The following DOT1L variants were observed in gnomAD, a reference collection of about 807,000 sequenced individuals.
DOT1L encodes the protein DOT1 like histone lysine methyltransferase, also known as histone-lysine N-methyltransferase, H3 lysine-79 specific.
In DOT1L, 33 loss-of-function variants were observed where a neutral mutation model predicts 153.3. That is an observed-to-expected ratio of 0.22 (90% confidence interval 0.16 to 0.29). The LOEUF is 0.29. Ranked by LOEUF, DOT1L falls within the 10% of genes least tolerant of loss-of-function variation. DOT1L has a pLI of 1.00. For missense variants in DOT1L, 1,847 were observed against 2,119.9 expected (o/e 0.87, Z 2.53); for synonymous variants, 1,135 against 965.1 (o/e 1.18, Z -3.26).
chr19:2,194,451 G>A (rs530565044), intron 6 of DOT1L, 64 bp from the exon 7 acceptor site: 6 of 1,598,058 alleles, frequency 3.8e-6, no homozygotes, highest in East Asian at 4.5e-5. Context: ...GATTACAGGC[G>A]TGAGCCACCG....
At chr19:2,182,589 C>A (rs892940394) in intron 2 of DOT1L, among the ~76,000 whole-genome samples, 2 of 152,054 alleles carry the variant, frequency 1.3e-5, no homozygotes, top group African/African-American at 2.4e-5. Context: ...TGTGACTGTG[C>A]AGGTTCTGCC....
At chr19:2,216,890 G>A (rs766613557) in intron 20 of DOT1L, 65 bp from the exon 21 acceptor site, 28 of 1,567,886 alleles carry the variant, frequency 1.8e-5, no homozygotes, top group Non-Finnish European at 2.4e-5. Context: ...GAGGTGCTGG[G>A]CCAGGCCGCT....
rs570583366 is a variant in DOT1L, at chr19:2,209,898, C to G, written c.1006-502C>G. Among the ~76,000 whole-genome samples, 5 of 152,340 alleles carry G rather than the reference C, an allele frequency of 3.3e-5. No homozygotes were observed. In the South Asian group the frequency reaches 1.0e-3, roughly 32 times the overall value. On this transcript the variant is annotated intron_variant, in intron 12 of 27. Coordinates refer to ENST00000398665, the MANE Select transcript of DOT1L (RefSeq NM_032482.3). The stretch of plus-strand genomic sequence containing the variant: ...GGGGATGTGGGTCTTCCCTGGAGAG[C>G]AGGGAACGGCCCGAGGTGGCCGGCG...
At chr19:2,203,640 G>T (rs1305571406) in intron 9 of DOT1L, among the ~76,000 whole-genome samples, 1 of 152,222 alleles carries the variant, frequency 6.6e-6, no homozygotes. Context: ...GGAGAACTCA[G>T]CCCATGACAT....
rs1386848353 is a variant in DOT1L at position 2,225,239 on chromosome 19, G to T, written c.3597-149G>T. The T allele has an allele frequency of 4.0e-5, 29 of 730,850 alleles. 1 individual carries two copies. The highest frequency in any genetic ancestry group is 3.8e-5 in the Non-Finnish European group (16 of 421,306). The allele number at this position is 730,850 out of a possible 1,614,324, so 45.3% of individuals were successfully genotyped here. On this transcript the variant is annotated intron_variant, in intron 25 of 27. Coordinates refer to ENST00000398665, the MANE Select transcript of DOT1L (RefSeq NM_032482.3). The stretch of plus-strand genomic sequence containing the variant: ...GGCCCAGCCACCCAGTCCAGGCCTG[G>T]CCCAGGGTGGCTGCACGGGTCCCCT...
At chr19:2,165,917 C>T (rs1337772798) in intron 1 of DOT1L, among the ~76,000 whole-genome samples, 15 of 151,652 alleles carry the variant, frequency 9.9e-5, no homozygotes, top group Admixed American at 3.9e-4. Flanking sequence ...TATAGGCGCC[C>T]GCCACCACGC....
At chr19:2,225,896 G>T (rs2024308460) in intron 26 of DOT1L, among the ~76,000 whole-genome samples, 1 of 152,180 alleles carries the variant, frequency 6.6e-6, no homozygotes, top group Non-Finnish European at 1.5e-5. Flanking sequence ...CATGGCCTCT[G>T]AGACCCGCTT....
In DOT1L at chr19:2,226,679, C is replaced by T. The variant is rs2144934142; in HGVS notation, c.4158C>T (p.Gly1386=). The change falls in exon 27 of 28, where the codon GGC becomes GGT. Residue 1386 remains glycine (G), a synonymous_variant. Coordinates refer to ENST00000398665, the MANE Select transcript of DOT1L (RefSeq NM_032482.3). ...LAGLKGEGSR[G]KEAGEGGLPL... is the part of the protein sequence containing the mutation. ...GGCTGAAGGGCGAGGGCAGCCGCGG[C>T]AAGGAGGCAGGGGAGGGCGGCCTAC... 6.3e-7 allele frequency: 1 copy of T among 1,575,958 alleles called. No individual in the cohort carries two copies. The highest frequency in any genetic ancestry group is 8.6e-7 in the Non-Finnish European group (1 of 1,165,350).
rs2023916293 is a variant in DOT1L at position 2,216,683 on chromosome 19, C to T, written c.2326C>T (p.Pro776Ser). Residue 776 changes from proline to serine, a missense_variant, in exon 20 of 28, where the codon CCG becomes TCG. Physicochemically the swap from Pro to Ser is moderately conservative, Grantham distance 74. Coordinates refer to ENST00000398665, the MANE Select transcript of DOT1L (RefSeq NM_032482.3). ...LAAPDYTRLS[P>S]AKIVLRRHLS... ...CGCACCCGACTACACTAGGCTGTCCCCGGCCAAGATTGTGCTGAGGCGGCA... is the reference window on the plus strand; with the variant it reads ...CGCACCCGACTACACTAGGCTGTCCTCGGCCAAGATTGTGCTGAGGCGGCA... 6.2e-7 allele frequency: 1 copy of T among 1,603,530 alleles called. No homozygotes were observed. The highest frequency in any genetic ancestry group is 8.5e-7 in the Non-Finnish European group (1 of 1,179,860).
intron 1 of DOT1L, among the ~76,000 whole-genome samples, chr19:2,172,439 T>A (rs1438928006): frequency 6.6e-6 from 1 of 151,848 alleles, no homozygotes. Context: ...TCCACCCGCC[T>A]TGGGCTCCCA....
intron 16 of DOT1L, chr19:2,212,748 T>C (rs948952910): frequency 1.3e-5 from 2 of 152,282 alleles, no homozygotes; most frequent in African/African-American, 4.8e-5. Context: ...TGTAGTTTGC[T>C]GACCTAAGCC....
rs145072176 is a variant in DOT1L, at chr19:2,232,469, C to T, written c.*2677C>T. 26 of 222,096 alleles carry T rather than the reference C, an allele frequency of 1.2e-4. No individual in the cohort carries two copies. Among genetic ancestry groups the T allele is most frequent in the African/African-American group, 3.8e-4 (17 of 44,716 alleles). 13.8% of individuals were successfully genotyped at this position (222,096 alleles called of 1,614,324 possible). A position where few individuals can be genotyped will look rare whatever the true frequency, so the allele number is the denominator to read the frequency against. Reference sequence around the variant, plus strand: ...CCGGGTGAACTGTATTTGGATTGCGCGCATTGTCACGGTCCGCCCCTGGGC... The same window carrying T: ...CCGGGTGAACTGTATTTGGATTGCGTGCATTGTCACGGTCCGCCCCTGGGC... On this transcript the variant is annotated 3_prime_UTR_variant, in exon 28 of 28. Transcript: ENST00000398665.
At chr19:2,224,215 A>G (rs73919911) in intron 25 of DOT1L, among the ~76,000 whole-genome samples, 14,989 of 152,212 alleles carry the variant, frequency 0.098, 1,609 homozygotes, top group African/African-American at 0.26. Flanking sequence ...TGTGAGCAGC[A>G]CTGCTGTGGC....
chr19:2,216,218 A>G, intron 19 of DOT1L, 63 bp from the exon 20 acceptor site: 2 of 1,504,160 alleles, frequency 1.3e-6, no homozygotes, highest in Non-Finnish European at 1.8e-6. Context: ...CATCTGTGGC[A>G]GTCTTGGTTC....
intron 1 of DOT1L, among the ~76,000 whole-genome samples, chr19:2,175,790 A>C (rs541061757): frequency 2.3e-3 from 344 of 152,220 alleles, no homozygotes; most frequent in African/African-American, 7.9e-3. Flanking sequence ...AGACTGCGCC[A>C]TTGAACCTGG....
At chr19:2,213,757 C>G (rs1025821934) in intron 17 of DOT1L, 92 bp from the exon 18 acceptor site, 1 of 1,602,282 alleles carries the variant, frequency 6.2e-7, no homozygotes, top group Non-Finnish European at 8.5e-7. Context: ...CAGCTGTGTC[C>G]CAGGGGCTGG....
chr19:2,203,443 A>G (rs775581550), intron 9 of DOT1L, among the ~76,000 whole-genome samples: 1 of 152,208 alleles, frequency 6.6e-6, no homozygotes, highest in Non-Finnish European at 1.5e-5. Flanking sequence ...GCTTATGGCC[A>G]GCTGACCACC....
At position 2,194,688 on chromosome 19, in the gene DOT1L, G is replaced by T. The variant is rs960713547; in HGVS notation, c.651+111G>T. The T allele has an allele frequency of 7.9e-6, 10 of 1,262,162 alleles. No homozygotes were observed. In the African/African-American group the frequency reaches 1.5e-4, roughly 18 times the overall value. The allele number at this position is 1,262,162 out of a possible 1,614,324, so 78.2% of individuals were successfully genotyped here. On this transcript the variant is annotated intron_variant, in intron 7 of 27. Coordinates refer to ENST00000398665, the MANE Select transcript of DOT1L (RefSeq NM_032482.3). ...GTTGGCACATGGCTGTTGGCACATG[G>T]TGTGCCCCCTGGAGTCCCCTCTGGT... is the stretch of plus-strand genomic sequence containing the variant.
In DOT1L at chr19:2,209,004, T is replaced by C. The variant is rs556663324; in HGVS notation, c.1005+28T>C. On this transcript the variant is annotated intron_variant, in intron 12 of 27. Transcript: ENST00000398665. Reference sequence around the variant, plus strand: ...AAGTTTGTGTGTTTTTTCTCTTGGGTTAATAACACGCATGCACTGATGTGG... The same window carrying C: ...AAGTTTGTGTGTTTTTTCTCTTGGGCTAATAACACGCATGCACTGATGTGG... 3.4e-5 allele frequency: 55 copies of C among 1,610,378 alleles called. No individual in the cohort carries two copies. The East Asian group carries it at 4.2e-4, about 12-fold the overall frequency.
Sources: allele counts gnomAD v4.1 joint callset (sites outside exome capture counted in the v4.1 genomes callset), GRCh38; gene constraint gnomAD v4.1.1; transcripts MANE v1.5; gene names NCBI Gene and HGNC (gene_info 2026-07-23, HGNC 2026-07-21).